Variants in DLG2 observed in about 807,000 individuals in gnomAD.
DLG2 encodes the protein disks large homolog 2.
DLG2 carries 45 observed loss-of-function variants against 132.5 expected under a neutral mutation model. The observed-to-expected ratio is 0.34, with a 90% CI of 0.27 to 0.44. The LOEUF is 0.44. DLG2 is among the 20% of genes least tolerant of loss of function. The pLI is 1.00. For missense variants in DLG2, 1,045 were observed against 1,196.9 expected (o/e 0.87, Z 1.87); for synonymous variants, 424 against 419.6 (o/e 1.01, Z -0.13).
chr11:84,770,534 C>T (rs1456494003), intron 6 of DLG2, among the ~76,000 whole-genome samples: 1 of 152,144 alleles, frequency 6.6e-6, no homozygotes, highest in Non-Finnish European at 1.5e-5. Flanking sequence ...ATTAAGCTCC[C>T]ACTTTTAAGT....
At chr11:84,505,562 A>T (rs1411383663) in intron 7 of DLG2, among the ~76,000 whole-genome samples, 1 of 152,218 alleles carries the variant, frequency 6.6e-6, no homozygotes. Context: ...TCTCTCAACA[A>T]CATCAGGTTC....
intron 18 of DLG2, among the ~76,000 whole-genome samples, chr11:83,678,122 T>C (rs1196364392): frequency 2.0e-5 from 3 of 152,182 alleles, no homozygotes; most frequent in South Asian, 4.1e-4. Context: ...AATCCTAAAA[T>C]TGCTTTCCAA....
chr11:83,495,784 G>A (rs1374120085), intron 21 of DLG2, among the ~76,000 whole-genome samples: 2 of 152,070 alleles, frequency 1.3e-5, no homozygotes, highest in Non-Finnish European at 2.9e-5. Context: ...GGAGCAACTT[G>A]GGAAAGAATA....
chr11:83,666,702 T>C (rs910193334), intron 18 of DLG2, among the ~76,000 whole-genome samples: 20 of 152,128 alleles, frequency 1.3e-4, no homozygotes, highest in Non-Finnish European at 2.8e-4. Flanking sequence ...ATTATAACTA[T>C]CTAATAAAGT....
At chr11:83,873,979 A>G (rs2064012755) in intron 16 of DLG2, among the ~76,000 whole-genome samples, 1 of 152,192 alleles carries the variant, frequency 6.6e-6, no homozygotes, top group Non-Finnish European at 1.5e-5. Flanking sequence ...TAGACAATGA[A>G]GCCCTCTGGA....
At chr11:85,539,250 A>G (rs1296100931) in intron 3 of DLG2, among the ~76,000 whole-genome samples, 4 of 152,072 alleles carry the variant, frequency 2.6e-5, no homozygotes, top group Non-Finnish European at 4.4e-5. Flanking sequence ...TCATCCTGAC[A>G]CATGATACAG....
intron 6 of DLG2, among the ~76,000 whole-genome samples, chr11:84,642,322 C>A (rs1014710902): frequency 6.6e-6 from 1 of 151,760 alleles, no homozygotes; most frequent in Non-Finnish European, 1.5e-5. Context: ...AAAGCCAACT[C>A]CTGCAGCTTT....
intron 7 of DLG2, among the ~76,000 whole-genome samples, chr11:84,375,876 G>T (rs1277775744): frequency 6.6e-6 from 1 of 151,888 alleles, no homozygotes; most frequent in Non-Finnish European, 1.5e-5. Context: ...ACACATTATT[G>T]CAGAGCCTTT....
At chr11:85,448,576 G>C (rs1478266290) in intron 3 of DLG2, among the ~76,000 whole-genome samples, 1 of 152,090 alleles carries the variant, frequency 6.6e-6, no homozygotes. Flanking sequence ...GAAAAACTTT[G>C]TTCTATAAAA....
At chr11:84,684,630 A>T in intron 6 of DLG2, among the ~76,000 whole-genome samples, 1 of 152,028 alleles carries the variant, frequency 6.6e-6, no homozygotes, top group East Asian at 1.9e-4. Flanking sequence ...AAGCCATGTG[A>T]CCTCTGACCA....
chr11:83,661,773 T>A (rs1425921044), intron 18 of DLG2, among the ~76,000 whole-genome samples: 2 of 151,978 alleles, frequency 1.3e-5, no homozygotes, highest in East Asian at 3.9e-4. Context: ...TTCAAGTAAA[T>A]CCGCTACACC....
chr11:84,818,294 G>T (rs11234192), intron 6 of DLG2, among the ~76,000 whole-genome samples: 12,875 of 151,942 alleles, frequency 0.085, 727 homozygotes, highest in South Asian at 0.12. Context: ...CACTTACATA[G>T]TCAGTAAATG....
intron 19 of DLG2, among the ~76,000 whole-genome samples, chr11:83,554,335 A>G (rs543282983): frequency 9.9e-4 from 151 of 152,298 alleles, no homozygotes; most frequent in African/African-American, 3.5e-3. Context: ...AAGACTTGGG[A>G]ACACTTGTTT....
At chr11:85,409,459 T>C (rs55976065) in intron 3 of DLG2, among the ~76,000 whole-genome samples, 35 of 151,966 alleles carry the variant, frequency 2.3e-4, no homozygotes, top group African/African-American at 6.5e-4. Flanking sequence ...AACAAATGCC[T>C]GAAAATTATG....
intron 7 of DLG2, among the ~76,000 whole-genome samples, chr11:84,296,180 T>C (rs2098086063): frequency 6.6e-6 from 1 of 152,140 alleles, no homozygotes. Flanking sequence ...GAGGAAAAAA[T>C]TTTAGAGCAA....
In DLG2 at chr11:84,303,820, C is replaced by T. The variant is rs568620795; in HGVS notation, c.520-52529G>A. On this transcript the variant is annotated intron_variant, in intron 7 of 27. Transcript: ENST00000376104. ...ATATGCTTGTTATTAAGTTGAGCTA[C>T]TGTGGGAATAGAAGGTGTCATTCTT... Among the ~76,000 whole-genome samples the T allele has an allele frequency of 2.6e-5, 4 of 152,268 alleles. No homozygotes were observed. The South Asian group carries it at 8.3e-4, about 32-fold the overall frequency.
At chr11:83,487,085 C>A (rs1406037477) in intron 21 of DLG2, among the ~76,000 whole-genome samples, 1 of 151,938 alleles carries the variant, frequency 6.6e-6, no homozygotes, top group African/African-American at 2.4e-5. Flanking sequence ...TGTTCTGAAG[C>A]AACTGATGGC....
intron 7 of DLG2, among the ~76,000 whole-genome samples, chr11:84,260,452 A>G (rs1330273531): frequency 6.6e-6 from 1 of 152,200 alleles, no homozygotes; most frequent in East Asian, 1.9e-4. Context: ...CTAAAACTAC[A>G]TCTACAGATC....
intron 6 of DLG2, among the ~76,000 whole-genome samples, chr11:84,871,699 C>T (rs2085479500): frequency 6.6e-6 from 1 of 151,686 alleles, no homozygotes; most frequent in African/African-American, 2.4e-5. Context: ...TATATAACTA[C>T]ATCATTTCAT....
Sources: allele counts gnomAD v4.1 joint callset (sites outside exome capture counted in the v4.1 genomes callset), GRCh38; gene constraint gnomAD v4.1.1; transcripts MANE v1.5; gene names NCBI Gene and HGNC (gene_info 2026-07-23, HGNC 2026-07-21).